NRG2: variants seen among roughly 807,000 people sequenced by gnomAD.
The protein encoded by NRG2 is pro-neuregulin-2, membrane-bound isoform.
Under a neutral mutation model 73.9 loss-of-function variants are expected in NRG2, and 27 were observed. The ratio of observed to expected loss-of-function variants is 0.37; its 90% CI spans 0.27 to 0.50. The LOEUF (loss-of-function observed/expected upper bound fraction) is 0.50, where lower values mean the gene tolerates loss of function less well. Among genes scored for constraint, NRG2 ranks in the 20% least tolerant of loss-of-function variants. The pLI, the probability that NRG2 is intolerant of heterozygous loss-of-function variation, is 0.96. For missense variants in NRG2, 1,126 were observed against 1,210.1 expected (o/e 0.93, Z 1.03); for synonymous variants, 532 against 541.0 (o/e 0.98, Z 0.23).
At chr5:139,855,643 G>C in intron 6 of NRG2, 33 bp downstream of exon 6, 3 of 1,566,638 alleles carry the variant, frequency 1.9e-6, no homozygotes, top group African/African-American at 1.4e-5. Flanking sequence ...CCCTTGGCTT[G>C]GCCTGTCCCC....
At chr5:139,899,557 G>C (rs1218287613) in intron 1 of NRG2, among the ~76,000 whole-genome samples, 1 of 152,222 alleles carries the variant, frequency 6.6e-6, no homozygotes, top group Non-Finnish European at 1.5e-5. Flanking sequence ...AGGAGCTCCT[G>C]CCTATTTGTG....
At chr5:139,934,859 T>C (rs148203590) in intron 1 of NRG2, among the ~76,000 whole-genome samples, 8 of 152,310 alleles carry the variant, frequency 5.3e-5, no homozygotes, top group African/African-American at 1.9e-4. Flanking sequence ...AGGGATTCAT[T>C]CATTCATAAG....
intron 1 of NRG2, among the ~76,000 whole-genome samples, chr5:139,934,698 G>C (rs2126390180): frequency 6.6e-6 from 1 of 152,244 alleles, no homozygotes; most frequent in East Asian, 1.9e-4. Flanking sequence ...GTATAAAAAA[G>C]AAAGACCAAA....
intron 1 of NRG2, among the ~76,000 whole-genome samples, chr5:140,014,507 G>A (rs923757229): frequency 6.6e-6 from 1 of 152,104 alleles, no homozygotes; most frequent in Admixed American, 6.6e-5. Context: ...AAAGTGCCGG[G>A]ATTACAGGCA....
At chr5:139,987,064 C>A (rs1251885405) in intron 1 of NRG2, among the ~76,000 whole-genome samples, 2 of 151,870 alleles carry the variant, frequency 1.3e-5, no homozygotes, top group African/African-American at 2.4e-5. Flanking sequence ...TGCTAAGGAG[C>A]CTTTCCTAGG....
intron 1 of NRG2, among the ~76,000 whole-genome samples, chr5:139,957,168 CAT>C (rs1221699396): frequency 2.8e-4 from 43 of 152,336 alleles, no homozygotes; most frequent in African/African-American, 1.0e-3. Context: ...CTCTTGGTTA[CAT>C]AGCTTTGGGC....
At chr5:139,917,349 T>G (rs1035759732) in intron 1 of NRG2, among the ~76,000 whole-genome samples, 2 of 152,172 alleles carry the variant, frequency 1.3e-5, no homozygotes, top group Non-Finnish European at 2.9e-5. Context: ...CCTCCCGGGC[T>G]CAAACGATCC....
At chr5:139,940,845 A>C (rs1308174494) in intron 1 of NRG2, among the ~76,000 whole-genome samples, 1 of 152,152 alleles carries the variant, frequency 6.6e-6, no homozygotes, top group African/African-American at 2.4e-5. Flanking sequence ...GTACATTTAA[A>C]AAAAAAGATG....
chr5:140,038,951 T>C (rs1761707622), intron 1 of NRG2, among the ~76,000 whole-genome samples: 1 of 152,244 alleles, frequency 6.6e-6, no homozygotes, highest in Non-Finnish European at 1.5e-5. Flanking sequence ...ATAAACAGCA[T>C]TTAAAAAATA....
At chr5:139,903,982 G>C (rs2127175811) in intron 1 of NRG2, among the ~76,000 whole-genome samples, 1 of 152,352 alleles carries the variant, frequency 6.6e-6, no homozygotes, top group Admixed American at 6.5e-5. Flanking sequence ...CCTTTCTGTC[G>C]GTATCCGCGG....
At chr5:139,933,900 A>C (rs893151322) in intron 1 of NRG2, among the ~76,000 whole-genome samples, 18 of 152,248 alleles carry the variant, frequency 1.2e-4, no homozygotes, top group Non-Finnish European at 2.2e-4. Context: ...AATTAAAGTT[A>C]AAAATGAATT....
intron 5 of NRG2, chr5:139,859,909 T>C (rs1248013963): frequency 1.2e-6 from 2 of 1,608,260 alleles, no homozygotes; most frequent in African/African-American, 2.8e-5. Context: ...AAATCCAAGG[T>C]GCTCTGGCAG....
intron 1 of NRG2, among the ~76,000 whole-genome samples, chr5:139,999,946 A>G (rs957967506): frequency 2.6e-5 from 4 of 152,214 alleles, no homozygotes; most frequent in African/African-American, 4.8e-5. Flanking sequence ...ACATCAAACT[A>G]TTAGCCAGAG....
chr5:139,992,556 G>A (rs1757713252), intron 1 of NRG2, among the ~76,000 whole-genome samples: 5 of 152,044 alleles, frequency 3.3e-5, no homozygotes, highest in Admixed American at 3.3e-4. Context: ...ACACTAACAC[G>A]TCCTTATGTA....
chr5:139,938,883 G>GA (rs1440572917), intron 1 of NRG2, among the ~76,000 whole-genome samples: 745 of 47,942 alleles, frequency 0.016, 6 homozygotes, highest in East Asian at 0.056. Context: ...AGAGAGAGAA[G>GA]GAAAGAAAGA....
chr5:139,959,464 C>G (rs1329205419), intron 1 of NRG2, among the ~76,000 whole-genome samples: 1 of 152,222 alleles, frequency 6.6e-6, no homozygotes, highest in Non-Finnish European at 1.5e-5. Flanking sequence ...ACAACCTCTG[C>G]CTCCTAGGTT....
At position 139,856,035 on chromosome 5, in the gene NRG2, G is replaced by C; in HGVS notation, c.1190-257C>G. ...CTGAGTTCCCCTCCCCAAGCCCCAT[G>C]CCTGCCCAGAGCACATGAGTGGAAA... On this transcript the variant is annotated intron_variant, in intron 5 of 9. Transcript: ENST00000361474. This position sits in a 1 kb window ranked among gnomAD's most constrained non-coding sequence, Gnocchi z 4.2. 1.9e-6 allele frequency: 1 copy of C among 519,098 alleles called. No homozygotes were observed. The highest frequency in any genetic ancestry group is 2.4e-5 in the South Asian group (1 of 42,404). The allele number at this position is 519,098 out of a possible 1,614,324, so 32.2% of individuals were successfully genotyped here.
intron 1 of NRG2, among the ~76,000 whole-genome samples, chr5:140,004,105 T>C (rs1409981154): frequency 6.6e-6 from 1 of 152,226 alleles, no homozygotes; most frequent in Non-Finnish European, 1.5e-5. Flanking sequence ...GTATCATTTT[T>C]GCAAATTTTC....
chr5:140,042,909 CTGT>C lies in NRG2; in HGVS notation c.158_160del (p.Asn53del). 9.8e-6 allele frequency: 15 copies of C among 1,537,638 alleles called. No homozygotes were observed. The highest frequency in any genetic ancestry group is 1.1e-5 in the Non-Finnish European group (13 of 1,143,560). ...GGGCGCAGCGGGACGAGAGATGCTG[CTGT>C]TGTTGCTGCTGCTCCTGCTGCTGCT... On this transcript the variant is annotated inframe_deletion, in exon 1 of 10. Transcript: ENST00000361474.
Sources: allele counts gnomAD v4.1 joint callset (sites outside exome capture counted in the v4.1 genomes callset), GRCh38; gene constraint gnomAD v4.1.1; non-coding constraint Gnocchi (gnomAD v3.1); transcripts MANE v1.5; gene names NCBI Gene and HGNC (gene_info 2026-07-23, HGNC 2026-07-21).